Variants in SLCO6A1 observed in about 807,000 individuals in gnomAD.
The protein encoded by SLCO6A1 is cancer/testis antigen 48.
A neutral mutation model predicts 72.7 loss-of-function variants in SLCO6A1; 65 were observed. That is an observed-to-expected ratio of 0.89 (90% confidence interval 0.73 to 1.10). The LOEUF is 1.10. Among genes scored for constraint, SLCO6A1 ranks in the 50% least tolerant of loss-of-function variants. The probability of loss-of-function intolerance (pLI) is 0.00; values close to 1 mark genes in which losing one functional copy is unlikely to be tolerated. For synonymous variants in SLCO6A1, 314 were observed against 298.2 expected (o/e 1.05, Z -0.55); for missense variants, 874 against 872.6 (o/e 1.00, Z -0.02).
chr5:102,385,140 T>A (rs1033209249), intron 12 of SLCO6A1, among the ~76,000 whole-genome samples: 1 of 152,184 alleles, frequency 6.6e-6, no homozygotes, highest in African/African-American at 2.4e-5. Context: ...TATATCATTC[T>A]ACTGTCTCTT....
chr5:102,479,490 A>G (rs1256358570), intron 2 of SLCO6A1, among the ~76,000 whole-genome samples: 1 of 152,124 alleles, frequency 6.6e-6, no homozygotes, highest in Non-Finnish European at 1.5e-5. Flanking sequence ...AAGCATCTAC[A>G]TTCTAACCAC....
At chr5:102,462,606 T>C (rs1470798047) in intron 4 of SLCO6A1, among the ~76,000 whole-genome samples, 1 of 152,158 alleles carries the variant, frequency 6.6e-6, no homozygotes, top group Non-Finnish European at 1.5e-5. Flanking sequence ...AACTGAACTT[T>C]GACAAAGCAA....
chr5:102,491,851 G>A (rs1312392609), intron 1 of SLCO6A1, among the ~76,000 whole-genome samples: 4 of 152,258 alleles, frequency 2.6e-5, no homozygotes, highest in Non-Finnish European at 4.4e-5. Flanking sequence ...GCGCCAAGGC[G>A]GAGGAGGTGC....
chr5:102,491,781 G>C (rs1315617025), intron 1 of SLCO6A1, among the ~76,000 whole-genome samples: 6 of 152,248 alleles, frequency 3.9e-5, no homozygotes, highest in Admixed American at 3.9e-4. Context: ...GGCCAGCCCA[G>C]AAAGGGGCTC....
intron 4 of SLCO6A1, among the ~76,000 whole-genome samples, chr5:102,463,170 C>T (rs1352882228): frequency 6.6e-6 from 1 of 152,074 alleles, no homozygotes; most frequent in Non-Finnish European, 1.5e-5. Flanking sequence ...TGAAAAAATG[C>T]TCAATATCAC....
At chr5:102,413,870 C>T (rs569599807) in intron 8 of SLCO6A1, among the ~76,000 whole-genome samples, 2 of 152,146 alleles carry the variant, frequency 1.3e-5, no homozygotes, top group South Asian at 2.1e-4. Flanking sequence ...CAAATGATGT[C>T]GATCATCTTT....
intron 9 of SLCO6A1, among the ~76,000 whole-genome samples, chr5:102,409,153 G>T (rs1747829902): frequency 6.6e-6 from 1 of 152,128 alleles, no homozygotes; most frequent in South Asian, 2.1e-4. Context: ...GTGAGGAAAA[G>T]CTGCCCAGGA....
intron 6 of SLCO6A1, among the ~76,000 whole-genome samples, chr5:102,444,295 C>T (rs1462316164): frequency 1.3e-5 from 2 of 152,018 alleles, no homozygotes; most frequent in African/African-American, 2.4e-5. Context: ...TATAGTGTCC[C>T]AACTAATTTC....
chr5:102,378,790 GTTTT>G (rs200686639), intron 12 of SLCO6A1, among the ~76,000 whole-genome samples: 1 of 151,424 alleles, frequency 6.6e-6, no homozygotes, highest in African/African-American at 2.4e-5. Context: ...TTTGTTTGTG[GTTTT>G]TTTTGAGACA....
At chr5:102,487,298 T>C (rs888596019) in intron 1 of SLCO6A1, among the ~76,000 whole-genome samples, 2 of 152,196 alleles carry the variant, frequency 1.3e-5, no homozygotes, top group African/African-American at 4.8e-5. Flanking sequence ...TGATAAATAG[T>C]AAATGTAAAC....
intron 4 of SLCO6A1, among the ~76,000 whole-genome samples, chr5:102,474,936 G>A (rs759533325): frequency 6.6e-6 from 1 of 151,974 alleles, no homozygotes; most frequent in Non-Finnish European, 1.5e-5. Context: ...AAACAAAACA[G>A]TATTGGTGAG....
intron 12 of SLCO6A1, among the ~76,000 whole-genome samples, chr5:102,386,000 A>G (rs1746397443): frequency 6.6e-6 from 1 of 151,774 alleles, no homozygotes; most frequent in Non-Finnish European, 1.5e-5. Context: ...AGAATCAGTT[A>G]CTGGTGTTTT....
chr5:102,486,175 A>G (rs565752829), intron 1 of SLCO6A1, among the ~76,000 whole-genome samples: 188 of 152,170 alleles, frequency 1.2e-3, no homozygotes, highest in Non-Finnish European at 1.1e-3. Context: ...CAAAGTATAA[A>G]TTTGCCTAGT....
rs753835692 is a variant in SLCO6A1, at chr5:102,413,021, C to T, written c.1595G>A (p.Cys532Tyr). ...IEYFSPCFAG[C>Y]TYSKAQNQKK... is the part of the protein sequence containing the mutation. ...TTGGTTTTGTGCTTTAGAATATGTACACCCTGCAAAGCAGGGAGAAAAATA... is the reference window on the plus strand; with the variant it reads ...TTGGTTTTGTGCTTTAGAATATGTATACCCTGCAAAGCAGGGAGAAAAATA... The change falls in exon 9 of 14, where the codon TGT becomes TAT. Residue 532 changes from cysteine (C) to tyrosine (Y), a missense_variant. By Grantham distance (194) the Cys-to-Tyr change is radical. Coordinates refer to ENST00000506729, the MANE Select transcript of SLCO6A1 (RefSeq NM_173488.5). 2 of 1,535,688 alleles carry T rather than the reference C, an allele frequency of 1.3e-6. No individual in the cohort carries two copies. Among genetic ancestry groups the T allele is most frequent in the Non-Finnish European group, 1.7e-6 (2 of 1,149,120 alleles).
At chr5:102,495,637 A>C (rs962150365) in intron 1 of SLCO6A1, among the ~76,000 whole-genome samples, 1 of 151,934 alleles carries the variant, frequency 6.6e-6, no homozygotes, top group African/African-American at 2.4e-5. Flanking sequence ...AAATAATAAA[A>C]AATAAAATTG....
Position 102,480,423 on chromosome 5 carries a change from C to G in SLCO6A1, c.370G>C (p.Gly124Arg). The change falls in exon 2 of 14, where the codon GGT (glycine) becomes CGT (arginine). Residue 124 changes from glycine to arginine, a missense_variant. Physicochemically the swap from Gly to Arg is moderately radical, Grantham distance 125. Coordinates refer to ENST00000506729, the MANE Select transcript of SLCO6A1 (RefSeq NM_173488.5). ...TCGCCAATGCTGACATCTATAAGAC[C>G]AAACACCACACCTAAAATGTAAAAA... is the stretch of plus-strand genomic sequence containing the variant. ...ILLICQGVVF[G>R]LIDVSIGDFQ... 6.2e-7 allele frequency: 1 copy of G among 1,609,634 alleles called. No individual in the cohort carries two copies. The highest frequency in any genetic ancestry group is 8.5e-7 in the Non-Finnish European group (1 of 1,178,188).
chr5:102,438,824 A>G, intron 6 of SLCO6A1, 63 bp from the exon 7 acceptor site: 1 of 1,205,964 alleles, frequency 8.3e-7, no homozygotes, highest in Non-Finnish European at 1.1e-6. Flanking sequence ...GAATAGACAG[A>G]ACCAAATGCT....
At chr5:102,449,808 C>G (rs561678442) in intron 6 of SLCO6A1, among the ~76,000 whole-genome samples, 1 of 152,142 alleles carries the variant, frequency 6.6e-6, no homozygotes, top group South Asian at 2.1e-4. Context: ...TAGACTTGGT[C>G]TATTAACATA....
intron 12 of SLCO6A1, among the ~76,000 whole-genome samples, chr5:102,376,061 G>C (rs1316580019): frequency 6.6e-6 from 1 of 152,046 alleles, no homozygotes; most frequent in Non-Finnish European, 1.5e-5. Flanking sequence ...CAAATAAAAA[G>C]ACATATTACA....
Sources: gnomAD v4.1 joint callset for allele counts (sites outside exome capture counted in the v4.1 genomes callset) on GRCh38, gnomAD v4.1.1 for gene constraint, MANE v1.5 for transcripts, NCBI Gene and HGNC (gene_info 2026-07-23, HGNC 2026-07-21) for gene names.